GMPS: variants seen among roughly 807,000 people sequenced by gnomAD.
GMPS encodes guanosine monophosphate synthase.
GMPS carries 15 observed loss-of-function variants against 77.9 expected under a neutral mutation model. The ratio of observed to expected loss-of-function variants is 0.19; its 90% CI spans 0.13 to 0.30. The LOEUF is 0.30. Among genes scored for constraint, GMPS ranks in the 10% least tolerant of loss-of-function variants. The pLI is 1.00. For synonymous variants in GMPS, 224 were observed against 275.9 expected, an observed-to-expected ratio of 0.81 and a Z score of 1.86; for missense variants, 590 against 838.8, an observed-to-expected ratio of 0.70 and a Z score of 3.66.
intron 1 of GMPS, among the ~76,000 whole-genome samples, chr3:155,877,920 T>C (rs77293269): frequency 0.21 from 32,304 of 151,418 alleles, 6,064 homozygotes; most frequent in African/African-American, 0.51. Context: ...TAGCTGGGCA[T>C]GCGCCACCAT....
intron 4 of GMPS, among the ~76,000 whole-genome samples, chr3:155,904,423 G>T (rs988551408): frequency 1.3e-5 from 2 of 151,876 alleles, no homozygotes; most frequent in Non-Finnish European, 2.9e-5. Flanking sequence ...CCGAGTAGCT[G>T]GGACTACAGG....
chr3:155,938,505 A>ACC lies in GMPS; in HGVS notation c.*814_*815insCC, dbSNP rs908777755. On this transcript the variant is annotated 3_prime_UTR_variant, in exon 16 of 16. Transcript: ENST00000496455. ...CTCCTTAGAAGAAACTGGCTCAATG[A>ACC]CGTTTCTGGTGTAGTGCAGATAGAG... 3.3e-5 allele frequency: 7 copies of ACC among 209,822 alleles called. No homozygotes were observed. In the East Asian group the frequency reaches 5.0e-4, roughly 15 times the overall value. 13.0% of individuals were successfully genotyped at this position (209,822 alleles called of 1,614,324 possible).
chr3:155,884,420 G>A (rs537169854), intron 1 of GMPS, among the ~76,000 whole-genome samples: 1 of 151,642 alleles, frequency 6.6e-6, no homozygotes, highest in Non-Finnish European at 1.5e-5. Context: ...AAATCACGAG[G>A]CAAAGAACAG....
At chr3:155,930,636 T>C (rs989321546) in intron 12 of GMPS, among the ~76,000 whole-genome samples, 1 of 152,174 alleles carries the variant, frequency 6.6e-6, no homozygotes, top group Non-Finnish European at 1.5e-5. Context: ...ATATCCAGAA[T>C]CTACAGTGAA....
chr3:155,886,351 G>A (rs1244214241), intron 1 of GMPS, among the ~76,000 whole-genome samples: 1 of 150,968 alleles, frequency 6.6e-6, no homozygotes, highest in Admixed American at 6.6e-5. Context: ...CGAGGCGGGT[G>A]GATCATGAGG....
In GMPS at chr3:155,941,835, T is replaced by C; in HGVS notation, c.*4143T>C. 1 of 214,914 alleles carries C rather than the reference T, an allele frequency of 4.7e-6. No homozygotes were observed. Among genetic ancestry groups the C allele is most frequent in the African/African-American group, 2.2e-5 (1 of 44,470 alleles). The allele number at this position is 214,914 out of a possible 1,614,324, so 13.3% of individuals were successfully genotyped here. On this transcript the variant is annotated 3_prime_UTR_variant, in exon 16 of 16. Transcript: ENST00000496455. ...CAGTAATGGTGGCATTGTTGACTCTTAAATTTCTGAACGTTTCACTTAATG... is the reference window on the plus strand; with the variant it reads ...CAGTAATGGTGGCATTGTTGACTCTCAAATTTCTGAACGTTTCACTTAATG...
rs140211825 is a variant in GMPS, at chr3:155,938,597, A to G, written c.*905A>G. The G allele has an allele frequency of 6.8e-3, 1,382 of 202,916 alleles. 28 individuals carry two copies. The highest frequency in any genetic ancestry group is 0.046 in the Admixed American group (765 of 16,682). The allele number at this position is 202,916 out of a possible 1,614,324, so 12.6% of individuals were successfully genotyped here. A position where few individuals can be genotyped will look rare whatever the true frequency, so the allele number is the denominator to read the frequency against. On this transcript the variant is annotated 3_prime_UTR_variant, in exon 16 of 16. Coordinates refer to ENST00000496455, the MANE Select transcript of GMPS (RefSeq NM_003875.3). Reference sequence around the variant, plus strand: ...AAACGGTTCTGAGATCACAGAAGCTATGATGCATACCTACAGCTTACAAAA... The same window carrying G: ...AAACGGTTCTGAGATCACAGAAGCTGTGATGCATACCTACAGCTTACAAAA...
chr3:155,891,485 A>G (rs1270511921), intron 1 of GMPS, among the ~76,000 whole-genome samples: 1 of 152,146 alleles, frequency 6.6e-6, no homozygotes, highest in Non-Finnish European at 1.5e-5. Context: ...TCACTTTTCT[A>G]CGGTATTGAA....
Position 155,874,070 on chromosome 3 carries a change from T to C in GMPS, c.27+3173T>C, listed in dbSNP as rs1350910679. ...TTCCCCCTGAGTCTCCAAAGTCCAT[T>C]GTGTCATTCTTATGCCTTTGCATCC... On this transcript the variant is annotated intron_variant, in intron 1 of 15. Coordinates refer to ENST00000496455, the MANE Select transcript of GMPS (RefSeq NM_003875.3). Among the ~76,000 whole-genome samples, 6 of 152,332 alleles carry C rather than the reference T, an allele frequency of 3.9e-5. No homozygotes were observed. The South Asian group carries it at 8.3e-4, about 21-fold the overall frequency.
intron 5 of GMPS, among the ~76,000 whole-genome samples, chr3:155,907,040 A>G (rs1010011471): frequency 2.2e-4 from 33 of 152,132 alleles, no homozygotes; most frequent in Admixed American, 1.9e-3. Flanking sequence ...CCTAAATAAT[A>G]AGTTGAAAAA....
intron 2 of GMPS, among the ~76,000 whole-genome samples, chr3:155,894,543 CT>C (rs796155249): frequency 2.6e-4 from 38 of 148,174 alleles, no homozygotes; most frequent in East Asian, 7.9e-4. Context: ...CTTTTTAATG[CT>C]TTTTTTTTTA....
intron 1 of GMPS, among the ~76,000 whole-genome samples, chr3:155,873,012 G>C (rs574320199): frequency 1.3e-5 from 2 of 152,260 alleles, no homozygotes; most frequent in Non-Finnish European, 2.9e-5. Context: ...AAATAAGTAG[G>C]AGTCTTATTT....
At chr3:155,910,660 A>C (rs1349099180) in intron 5 of GMPS, 32 bp from the exon 6 acceptor site, 2 of 1,204,592 alleles carry the variant, frequency 1.7e-6, no homozygotes, top group African/African-American at 1.6e-5. Context: ...AGCATGAAAA[A>C]ATTTTAATTT....
chr3:155,902,444 G>A (rs1277854961), intron 3 of GMPS, among the ~76,000 whole-genome samples: 2 of 152,156 alleles, frequency 1.3e-5, no homozygotes, highest in Admixed American at 1.3e-4. Context: ...TTGGGAAATT[G>A]AATAAAAATT....
At position 155,893,806 on chromosome 3, in the gene GMPS, A is replaced by C. The variant is rs1013603095; in HGVS notation, c.209+107A>C. 11 of 631,978 alleles carry C rather than the reference A, an allele frequency of 1.7e-5. No homozygotes were observed. In the African/African-American group the frequency reaches 1.9e-4, roughly 11 times the overall value. 39.1% of individuals were successfully genotyped at this position (631,978 alleles called of 1,614,324 possible). A position where few individuals can be genotyped will look rare whatever the true frequency, so the allele number is the denominator to read the frequency against. On this transcript the variant is annotated intron_variant, in intron 2 of 15. Transcript: ENST00000496455. ...ATTTTTCTACGAAAATAAGATATGGAATGGTTTTATGAGAAATTTCCCATG... is the reference window on the plus strand; with the variant it reads ...ATTTTTCTACGAAAATAAGATATGGCATGGTTTTATGAGAAATTTCCCATG...
chr3:155,897,662 GTAT>G (rs1381684267), intron 2 of GMPS, among the ~76,000 whole-genome samples: 6 of 152,134 alleles, frequency 3.9e-5, no homozygotes, highest in Non-Finnish European at 8.8e-5. Context: ...AGAAACATTG[GTAT>G]TATCTATTTG....
chr3:155,874,275 T>C (rs1753977987), intron 1 of GMPS, among the ~76,000 whole-genome samples: 1 of 152,246 alleles, frequency 6.6e-6, no homozygotes, highest in Non-Finnish European at 1.5e-5. Flanking sequence ...GTAAAGGTGG[T>C]ACCTGTCCTA....
In GMPS at chr3:155,941,318, G is replaced by A. The variant is rs1577543037; in HGVS notation, c.*3626G>A. On this transcript the variant is annotated 3_prime_UTR_variant, in exon 16 of 16. Transcript: ENST00000496455. ...ACTCGGGAGGCTGAGGCAGGAGAAT[G>A]GCCTGAACCCAGGAGGCGGAGCTTG... is the stretch of plus-strand genomic sequence containing the variant. The A allele has an allele frequency of 5.6e-6, 1 of 177,942 alleles. No homozygotes were observed. 11.0% of individuals were successfully genotyped at this position (177,942 alleles called of 1,614,324 possible).
chr3:155,931,091 G>A (rs1354574615), intron 12 of GMPS, among the ~76,000 whole-genome samples: 1 of 151,996 alleles, frequency 6.6e-6, no homozygotes, highest in Non-Finnish European at 1.5e-5. Flanking sequence ...CTCCCAAAGT[G>A]CTAGGATTAT....
Sources: gnomAD v4.1 joint callset for allele counts (sites outside exome capture counted in the v4.1 genomes callset) on GRCh38, gnomAD v4.1.1 for gene constraint, MANE v1.5 for transcripts, NCBI Gene and HGNC (gene_info 2026-07-23, HGNC 2026-07-21) for gene names.